Variants in COLGALT2 observed in about 807,000 individuals in gnomAD.
COLGALT2 encodes the protein collagen beta(1-O)galactosyltransferase 2, also known as procollagen galactosyltransferase 2.
A neutral mutation model predicts 73.4 loss-of-function variants in COLGALT2; 49 were observed. The ratio of observed to expected loss-of-function variants is 0.67; its 90% CI spans 0.53 to 0.85. COLGALT2 has a LOEUF of 0.85. COLGALT2 is among the 40% of genes least tolerant of loss of function. The pLI, the probability that COLGALT2 is intolerant of heterozygous loss-of-function variation, is 0.00. For synonymous variants in COLGALT2, 295 were observed against 307.6 expected (o/e 0.96, Z 0.43); for missense variants, 722 against 790.2 (o/e 0.91, Z 1.03).
downstream of COLGALT2, among the ~76,000 whole-genome samples, chr1:183,932,686 C>T (rs752276401): frequency 6.6e-6 from 1 of 152,172 alleles, no homozygotes; most frequent in Non-Finnish European, 1.5e-5. Context: ...CCCGGCGCAG[C>T]CTCCCTGGCC....
downstream of COLGALT2, among the ~76,000 whole-genome samples, chr1:183,934,280 C>T (rs1669903943): frequency 1.3e-5 from 2 of 152,212 alleles, no homozygotes; most frequent in Admixed American, 1.3e-4. Flanking sequence ...AATCTACCAT[C>T]ATTACTTCTC....
intron 1 of COLGALT2, among the ~76,000 whole-genome samples, chr1:183,980,155 A>C (rs1184300009): frequency 6.6e-6 from 1 of 152,002 alleles, no homozygotes; most frequent in Non-Finnish European, 1.5e-5. Context: ...TGCTTAAATA[A>C]ATAAAAATAA....
In COLGALT2 at chr1:183,951,927, C is replaced by T. The variant is rs113617128; in HGVS notation, c.1030-814G>A. Among the ~76,000 whole-genome samples the T allele has an allele frequency of 2.4e-3, 362 of 152,318 alleles. 3 individuals carry two copies. Among genetic ancestry groups the T allele is most frequent in the South Asian group, 0.013 (64 of 4,826 alleles). On this transcript the variant is annotated intron_variant, in intron 7 of 11. Coordinates refer to ENST00000361927, the MANE Select transcript of COLGALT2 (RefSeq NM_015101.4). ...AAAGAACAAGGCTTGAGGCAGCACA[C>T]TACCTGCCTTCAAAATATTCTACAA...
intron 1 of COLGALT2, among the ~76,000 whole-genome samples, chr1:184,028,948 G>A (rs756753564): frequency 6.6e-6 from 1 of 152,170 alleles, no homozygotes; most frequent in Non-Finnish European, 1.5e-5. Context: ...AATAATAATT[G>A]TTGCTTCAAT....
rs1343478047 is a variant in COLGALT2, at chr1:183,935,952, T to A, written c.*2809A>T. The A allele has an allele frequency of 1.0e-6, 1 of 985,344 alleles. No homozygotes were observed. The highest frequency in any genetic ancestry group is 1.7e-5 in the African/African-American group (1 of 57,236). 61.0% of individuals were successfully genotyped at this position (985,344 alleles called of 1,614,324 possible). Reference sequence around the variant, plus strand: ...GATGCAGGGGAACGGGTGTCCACTCTTTCTTGTTCTCAGAGCTCCTGCAGC... The same window carrying A: ...GATGCAGGGGAACGGGTGTCCACTCATTCTTGTTCTCAGAGCTCCTGCAGC... On this transcript the variant is annotated 3_prime_UTR_variant, in exon 12 of 12. Transcript: ENST00000361927.
chr1:183,969,479 A>G lies in COLGALT2; in HGVS notation c.628-6T>C. On this transcript the variant is annotated splice_polypyrimidine_tract_variant and splice_region_variant and intron_variant, in intron 4 of 11. Transcript: ENST00000361927. ...GGGGTCCTCTTATAGAAGCCCTGTA[A>G]AAGAGCAAATAGGTGGGTTGTGTTT... The G allele has an allele frequency of 6.2e-7, 1 of 1,601,860 alleles. No homozygotes were observed. The highest frequency in any genetic ancestry group is 8.5e-7 in the Non-Finnish European group (1 of 1,174,132).
intron 1 of COLGALT2, among the ~76,000 whole-genome samples, chr1:183,986,399 C>T (rs142955616): frequency 0.011 from 1,630 of 152,314 alleles, 14 homozygotes; most frequent in Middle Eastern, 0.041. Context: ...CAACATCCCT[C>T]CTCAGTATGC....
At chr1:184,029,001 G>A (rs1169626381) in intron 1 of COLGALT2, among the ~76,000 whole-genome samples, 1 of 152,178 alleles carries the variant, frequency 6.6e-6, no homozygotes, top group Non-Finnish European at 1.5e-5. Flanking sequence ...AAGATGTCAT[G>A]GAGCTATTAT....
At chr1:183,999,701 T>C (rs1671864729) in intron 1 of COLGALT2, among the ~76,000 whole-genome samples, 1 of 152,132 alleles carries the variant, frequency 6.6e-6, no homozygotes, top group South Asian at 2.1e-4. Flanking sequence ...CTCTCAGAAT[T>C]TTAAATATTT....
At chr1:183,967,966 C>G (rs1475363991) in intron 5 of COLGALT2, among the ~76,000 whole-genome samples, 3 of 152,224 alleles carry the variant, frequency 2.0e-5, no homozygotes, top group Non-Finnish European at 4.4e-5. Context: ...ATCAGCCTGA[C>G]CCATTTCTAC....
chr1:183,938,205 T>TTA lies in COLGALT2; in HGVS notation c.*555_*556insTA, dbSNP rs1037432379. On this transcript the variant is annotated 3_prime_UTR_variant, in exon 12 of 12. Transcript: ENST00000361927. ...GGATAACAGGGACTAAGATTTTTTT[T>TTA]TTTTAAAAAATCTACTTTTCAATAA... 1.2e-5 allele frequency: 12 copies of TTA among 985,532 alleles called. No homozygotes were observed. The African/African-American group carries it at 1.8e-4, about 14-fold the overall frequency. 61.0% of individuals were successfully genotyped at this position (985,532 alleles called of 1,614,324 possible). A position where few individuals can be genotyped will look rare whatever the true frequency, so the allele number is the denominator to read the frequency against.
intron 3 of COLGALT2, among the ~76,000 whole-genome samples, chr1:183,974,793 T>G (rs899785402): frequency 1.3e-4 from 20 of 152,218 alleles, no homozygotes; most frequent in Admixed American, 1.1e-3. Flanking sequence ...TTACATTGCT[T>G]TACCTACAGC....
At chr1:183,978,595 C>G (rs985451768) in intron 1 of COLGALT2, 75 bp from the exon 2 acceptor site, 2 of 840,778 alleles carry the variant, frequency 2.4e-6, no homozygotes, top group Non-Finnish European at 3.7e-6. Context: ...AGACCCCTGA[C>G]TAACTGAAAG....
intron 4 of COLGALT2, among the ~76,000 whole-genome samples, chr1:183,969,946 A>C (rs12736977): frequency 0.17 from 26,160 of 152,150 alleles, 2,474 homozygotes; most frequent in Admixed American, 0.23. Flanking sequence ...TATCTACTCC[A>C]TGGGGTTAGC....
intron 2 of COLGALT2, among the ~76,000 whole-genome samples, chr1:183,977,467 T>C (rs573750094): frequency 3.4e-4 from 29 of 85,754 alleles, no homozygotes; most frequent in African/African-American, 9.8e-4. Context: ...CAAGACTCTG[T>C]CTCAAAAAAA....
intron 1 of COLGALT2, 53 bp downstream of exon 1, chr1:184,037,042 G>C (rs943664848): frequency 1.0e-4 from 137 of 1,367,226 alleles, no homozygotes; most frequent in Non-Finnish European, 6.4e-5. Context: ...GTCCGCGCTG[G>C]GCAGGCCGCC....
In COLGALT2 at chr1:183,975,088, T is replaced by C. The variant is rs1450528839; in HGVS notation, c.492+9A>G. 3.2e-6 allele frequency: 5 copies of C among 1,584,168 alleles called. No individual in the cohort carries two copies. The highest frequency in any genetic ancestry group is 1.3e-5 in the African/African-American group (1 of 74,388). ...GACAGTTGTCAAGAAATCAAACATC[T>C]GTTTTTACCAGAATGTAGTCTGACC... On this transcript the variant is annotated intron_variant, in intron 3 of 11. Transcript: ENST00000361927.
intron 5 of COLGALT2, among the ~76,000 whole-genome samples, chr1:183,968,944 T>C (rs538203279): frequency 1.3e-5 from 2 of 152,214 alleles, no homozygotes; most frequent in African/African-American, 4.8e-5. Context: ...GTTTCCTAAT[T>C]AATAAATGAA....
intron 2 of COLGALT2, among the ~76,000 whole-genome samples, chr1:183,976,509 T>C (rs1400439075): frequency 6.6e-6 from 1 of 151,934 alleles, no homozygotes; most frequent in Non-Finnish European, 1.5e-5. Flanking sequence ...GGGGAAGAAA[T>C]TCAGGCAACT....
Sources: allele counts gnomAD v4.1 joint callset (sites outside exome capture counted in the v4.1 genomes callset), GRCh38; gene constraint gnomAD v4.1.1; transcripts MANE v1.5; gene names NCBI Gene and HGNC (gene_info 2026-07-23, HGNC 2026-07-21).